The following TOP1MT variants were observed in gnomAD, a reference collection of about 807,000 sequenced individuals.
The protein encoded by TOP1MT is DNA topoisomerase I mitochondrial.
In TOP1MT, 80 loss-of-function variants were observed where a neutral mutation model predicts 73.9. The ratio of observed to expected loss-of-function variants is 1.08; its 90% CI spans 0.90 to 1.30. TOP1MT has a LOEUF of 1.30. Among genes scored for constraint, TOP1MT ranks in the 50% most tolerant of loss-of-function variants. TOP1MT has a pLI of 0.00. For missense variants in TOP1MT, 815 were observed against 808.0 expected, an observed-to-expected ratio of 1.01 and a Z score of -0.10; for synonymous variants, 338 against 326.4, an observed-to-expected ratio of 1.04 and a Z score of -0.38.
upstream of TOP1MT, among the ~76,000 whole-genome samples, chr8:143,336,769 GC>G (rs1816989242): frequency 9.2e-5 from 14 of 152,062 alleles, no homozygotes; most frequent in Admixed American, 9.2e-4. Context: ...GATCACTTGA[GC>G]CAAGGAGTTC....
chr8:143,314,898 C>T (rs964157308), intron 12 of TOP1MT, among the ~76,000 whole-genome samples: 14 of 152,106 alleles, frequency 9.2e-5, no homozygotes, highest in African/African-American at 3.4e-4. Context: ...CCAGGCCATA[C>T]AGAGATATGA....
intron 10 of TOP1MT, 92 bp from the exon 11 acceptor site, chr8:143,316,218 GC>G: frequency 6.3e-7 from 1 of 1,584,128 alleles, no homozygotes; most frequent in Non-Finnish European, 8.6e-7. Context: ...ACACAGCGCA[GC>G]CCCTTCCACT....
In TOP1MT at chr8:143,341,588, C is replaced by A. The variant is rs188958412; in HGVS notation, c.29+1632G>T. 6.6e-6 allele frequency among the ~76,000 whole-genome samples: 1 copy of A among 152,362 alleles called. No homozygotes were observed. The highest frequency in any genetic ancestry group is 6.5e-5 in the Admixed American group (1 of 15,308). On this transcript the variant is annotated intron_variant, in intron 2 of 5. Transcript: ENST00000518007. This position sits in a 1 kb window ranked among gnomAD's most constrained non-coding sequence, Gnocchi z 4.1. ...GGCCTAACAGATGCTTTTAACTCAGCTTTGGAAAATGGCCTCTTGATCTCA... is the reference window on the plus strand; with the variant it reads ...GGCCTAACAGATGCTTTTAACTCAGATTTGGAAAATGGCCTCTTGATCTCA...
In TOP1MT at chr8:143,342,048, TTATTA is replaced by T. The variant is rs1817098524; in HGVS notation, c.29+1167_29+1171del. On this transcript the variant is annotated intron_variant, in intron 2 of 5. Coordinates refer to the TOP1MT transcript ENST00000518007. ...TAGAGACAGAGTCTCGCTGTTATTA[TTATTA>T]TTAGAGACAGAGTCTCGCTCTGTTA... Among the ~76,000 whole-genome samples the T allele has an allele frequency of 2.2e-5, 3 of 135,726 alleles. 1 individual carries two copies. Among genetic ancestry groups the T allele is most frequent in the African/African-American group, 1.1e-4 (3 of 26,674 alleles). The allele number at this position is 135,726 out of a possible 152,430, so 89.0% of individuals were successfully genotyped here. A position where few individuals can be genotyped will look rare whatever the true frequency, so the allele number is the denominator to read the frequency against.
rs76784353 is a variant in TOP1MT at position 143,326,482 on chromosome 8, C to T, written c.361-138G>A. On this transcript the variant is annotated intron_variant, in intron 3 of 13. Transcript: ENST00000329245. ...GTGTGCAATAGGCAGAACCTGCGCA[C>T]GGTCCTGCGGCCCCGTAAATAGAGC... is the stretch of plus-strand genomic sequence containing the variant. 7,235 of 1,113,264 alleles carry T rather than the reference C, an allele frequency of 6.5e-3. 330 individuals carry two copies. The African/African-American group carries it at 0.098, about 15-fold the overall frequency. 69.0% of individuals were successfully genotyped at this position (1,113,264 alleles called of 1,614,324 possible).
upstream of TOP1MT, among the ~76,000 whole-genome samples, chr8:143,337,227 T>A (rs1205132412): frequency 6.6e-6 from 1 of 152,026 alleles, no homozygotes; most frequent in African/African-American, 2.4e-5. Context: ...ATCGAGACCA[T>A]CCTGGCTAAA....
intron 1 of TOP1MT, chr8:143,350,066 C>G (rs2130455581): frequency 6.6e-6 from 1 of 152,372 alleles, no homozygotes; most frequent in South Asian, 2.1e-4. Context: ...TCTTCTCTCC[C>G]CACTGGGTTA....
chr8:143,322,690 ACGCC>A (rs1816509546), intron 7 of TOP1MT, among the ~76,000 whole-genome samples: 1 of 75,286 alleles, frequency 1.3e-5, no homozygotes, highest in Non-Finnish European at 2.3e-5. Flanking sequence ...CCACACACGC[ACGCC>A]ACACGCACGC....
At chr8:143,340,839 C>T (rs1586779154) in intron 2 of TOP1MT, among the ~76,000 whole-genome samples, 1 of 152,328 alleles carries the variant, frequency 6.6e-6, no homozygotes, top group East Asian at 1.9e-4. Context: ...TCACTTTCTT[C>T]TTTCTTGGTT....
chr8:143,339,097 A>G (rs1282990625), upstream of TOP1MT, among the ~76,000 whole-genome samples: 1 of 152,194 alleles, frequency 6.6e-6, no homozygotes, highest in Non-Finnish European at 1.5e-5. Flanking sequence ...CGGAGCTCCA[A>G]GGCTATGCAG....
chr8:143,322,044 T>C (rs1485569183), intron 7 of TOP1MT, among the ~76,000 whole-genome samples: 3 of 40,612 alleles, frequency 7.4e-5, no homozygotes, highest in Non-Finnish European at 9.5e-5. Context: ...TACAGATGCA[T>C]GCCACACACA....
rs1180617442 is a variant in TOP1MT at position 143,341,333 on chromosome 8, C to T, written c.29+1887G>A. Among the ~76,000 whole-genome samples, 1 of 152,206 alleles carries T rather than the reference C, an allele frequency of 6.6e-6. No homozygotes were observed. Among genetic ancestry groups the T allele is most frequent in the Non-Finnish European group, 1.5e-5 (1 of 68,044 alleles). On this transcript the variant is annotated intron_variant, in intron 2 of 5. Coordinates refer to the TOP1MT transcript ENST00000518007. The surrounding 1 kb of genome is among the most constrained non-coding windows in gnomAD (Gnocchi z 4.1). Reference sequence around the variant, plus strand: ...CCCCCTTCCGGCTGGGCACCGCCTGCAGGGCCATGCCCTTCTATCTCTTCT... The same window carrying T: ...CCCCCTTCCGGCTGGGCACCGCCTGTAGGGCCATGCCCTTCTATCTCTTCT...
chr8:143,325,648 T>G, intron 4 of TOP1MT, 115 bp from the exon 5 acceptor site: 1 of 942,704 alleles, frequency 1.1e-6, no homozygotes, highest in Non-Finnish European at 1.6e-6. Flanking sequence ...AGCTGGACCC[T>G]CAAAGCCCTT....
chr8:143,342,010 TCTGTTATTATATTAGAGACAGAGTCTCG>T lies in TOP1MT; in HGVS notation c.29+1182_29+1209del, dbSNP rs1817096871. On this transcript the variant is annotated intron_variant, in intron 2 of 5. Coordinates refer to the TOP1MT transcript ENST00000518007. ...ATTATTATTAGAGACAGAGTCTCGC[TCTGTTATTATATTAGAGACAGAGTCTCG>T]CTGTTATTATTATTATTAGAGACAG... is the stretch of plus-strand genomic sequence containing the variant. Among the ~76,000 whole-genome samples the T allele has an allele frequency of 4.1e-5, 6 of 147,582 alleles. 1 individual carries two copies. Among genetic ancestry groups the T allele is most frequent in the South Asian group, 2.2e-4 (1 of 4,588 alleles).
In TOP1MT at chr8:143,319,102, G is replaced by A. The variant is rs72701713; in HGVS notation, c.1147-1016C>T. ...GAGCACCTCCTTGCCTCTTCCTTTC[G>A]TGTGTTGGCTTCTGTCTCCTACCTC... On this transcript the variant is annotated intron_variant, in intron 8 of 13. Transcript: ENST00000329245. 9.9e-3 allele frequency among the ~76,000 whole-genome samples: 1,506 copies of A among 152,100 alleles called. 12 individuals are homozygous for A. Among genetic ancestry groups the A allele is most frequent in the Non-Finnish European group, 0.015 (1,007 of 67,970 alleles).
intron 3 of TOP1MT, among the ~76,000 whole-genome samples, chr8:143,328,485 C>T (rs907573076): frequency 2.6e-5 from 4 of 152,252 alleles, no homozygotes; most frequent in Non-Finnish European, 5.9e-5. Flanking sequence ...ACCACACCCA[C>T]GGCGAGGTGT....
chr8:143,328,306 G>A, intron 3 of TOP1MT: 1 of 454,430 alleles, frequency 2.2e-6, no homozygotes, highest in South Asian at 1.6e-5. Flanking sequence ...ATGTGCGTCT[G>A]GCAAAGAACC....
chr8:143,337,110 C>G (rs988999635), upstream of TOP1MT, among the ~76,000 whole-genome samples: 1 of 152,158 alleles, frequency 6.6e-6, no homozygotes, highest in Non-Finnish European at 1.5e-5. Context: ...CCCATGTTCA[C>G]GGACTGGATG....
chr8:143,327,114 G>T (rs1347222812), intron 3 of TOP1MT, among the ~76,000 whole-genome samples: 1 of 152,200 alleles, frequency 6.6e-6, no homozygotes, highest in Non-Finnish European at 1.5e-5. Context: ...CTGTCCTGTG[G>T]TGCTGGGGAT....
Sources: gnomAD v4.1 joint callset for allele counts (sites outside exome capture counted in the v4.1 genomes callset) on GRCh38, gnomAD v4.1.1 for gene constraint, Gnocchi (gnomAD v3.1) non-coding constraint, MANE v1.5 for transcripts, NCBI Gene and HGNC (gene_info 2026-07-23, HGNC 2026-07-21) for gene names.